Variants in ABCC4 observed in about 807,000 individuals in gnomAD.
ABCC4 encodes ATP-binding cassette sub-family C member 4.
Under a neutral mutation model 168.5 loss-of-function variants are expected in ABCC4, and 102 were observed. The observed-to-expected ratio is 0.61, with a 90% CI of 0.52 to 0.71. The LOEUF (loss-of-function observed/expected upper bound fraction) is 0.71, where lower values mean the gene tolerates loss of function less well. ABCC4 is among the 30% of genes least tolerant of loss of function. The pLI is 0.00. For missense variants in ABCC4, 1,402 were observed against 1,605.8 expected, an observed-to-expected ratio of 0.87 and a Z score of 2.17; for synonymous variants, 617 against 590.7, an observed-to-expected ratio of 1.04 and a Z score of -0.65.
intron 16 of ABCC4, among the ~76,000 whole-genome samples, chr13:95,164,077 A>G (rs1231398349): frequency 2.0e-5 from 3 of 151,266 alleles, no homozygotes; most frequent in Non-Finnish European, 4.4e-5. Flanking sequence ...AAAGAAAGAA[A>G]GAATAAAAGG....
At chr13:95,162,225 T>G (rs2037121179) in intron 18 of ABCC4, among the ~76,000 whole-genome samples, 1 of 152,214 alleles carries the variant, frequency 6.6e-6, no homozygotes, top group South Asian at 2.1e-4. Flanking sequence ...TCCTTTAGTT[T>G]CCACATAGTC....
At chr13:95,109,362 T>G (rs1173781259) in intron 20 of ABCC4, among the ~76,000 whole-genome samples, 2 of 149,396 alleles carry the variant, frequency 1.3e-5, no homozygotes, top group African/African-American at 5.0e-5. Context: ...ATTAGAAGGG[T>G]ACATTTGAGG....
chr13:95,097,683 T>G (rs987909070), intron 20 of ABCC4, among the ~76,000 whole-genome samples: 2 of 147,814 alleles, frequency 1.4e-5, no homozygotes, highest in Non-Finnish European at 1.5e-5. Flanking sequence ...CTCAATACAT[T>G]TCAAAGGTTA....
At chr13:95,247,830 T>A (rs1465311931) in intron 1 of ABCC4, 77 bp from the exon 2 acceptor site, 1 of 1,127,226 alleles carries the variant, frequency 8.9e-7, no homozygotes, top group East Asian at 2.3e-5. Flanking sequence ...CCATGGGTTT[T>A]GCTTAAACTT....
chr13:95,257,644 C>G (rs1021589038), intron 1 of ABCC4, among the ~76,000 whole-genome samples: 3 of 145,048 alleles, frequency 2.1e-5, no homozygotes, highest in Non-Finnish European at 3.0e-5. Flanking sequence ...GCCTGGGCAA[C>G]AGAGTGAGAC....
chr13:95,254,743 C>A (rs1162828562), intron 1 of ABCC4, among the ~76,000 whole-genome samples: 1 of 152,200 alleles, frequency 6.6e-6, no homozygotes, highest in Non-Finnish European at 1.5e-5. Flanking sequence ...TCACCCTCTG[C>A]CCCTGCCCAA....
intron 13 of ABCC4, 87 bp downstream of exon 13, chr13:95,177,620 A>T: frequency 1.9e-6 from 2 of 1,042,022 alleles, no homozygotes; most frequent in Non-Finnish European, 2.9e-6. Context: ...CCAGAGTAGG[A>T]TGAGCTGAAA....
rs777632365 is a variant in ABCC4 at position 95,071,822 on chromosome 13, G to A, written c.3050C>T (p.Thr1017Ile). The A allele has an allele frequency of 1.3e-6, 2 of 1,593,600 alleles. No homozygotes were observed. Among genetic ancestry groups the A allele is most frequent in the African/African-American group, 2.7e-5 (2 of 73,840 alleles). Residue 1017 changes from threonine (T) to isoleucine (I), a missense_variant, in exon 25 of 31, where the codon ACA becomes ATA. Transcript: ENST00000645237. ...MISVERVIEY[T>I]DLEKEAPWEY... The stretch of plus-strand genomic sequence containing the variant: ...CCAAGGTGCTTCTTTTTCAAGGTCT[G>A]TGTATTCAATGACCCTTTCTACTGA...
At chr13:95,073,678 T>C (rs969573675) in intron 23 of ABCC4, among the ~76,000 whole-genome samples, 3 of 152,116 alleles carry the variant, frequency 2.0e-5, no homozygotes, top group Admixed American at 1.3e-4. Flanking sequence ...AACAAAGCAA[T>C]AGGTTGTAAG....
intron 1 of ABCC4, among the ~76,000 whole-genome samples, chr13:95,251,585 A>G (rs1372602499): frequency 6.6e-6 from 1 of 152,216 alleles, no homozygotes; most frequent in Non-Finnish European, 1.5e-5. Flanking sequence ...ATACTAAAAG[A>G]AGAGACTAGG....
chr13:95,137,182 G>A (rs934981951), intron 19 of ABCC4, among the ~76,000 whole-genome samples: 13 of 152,174 alleles, frequency 8.5e-5, no homozygotes, highest in South Asian at 4.1e-4. Context: ...TCTATTGGCC[G>A]CTTTCATAAC....
At chr13:95,050,277 T>C (rs768508573) in intron 27 of ABCC4, among the ~76,000 whole-genome samples, 37 of 152,210 alleles carry the variant, frequency 2.4e-4, no homozygotes, top group African/African-American at 8.9e-4. Context: ...TCCTGACCTA[T>C]CAGAATGCCC....
chr13:95,207,971 T>C, intron 6 of ABCC4, 46 bp from the exon 7 acceptor site: 1 of 1,584,644 alleles, frequency 6.3e-7, no homozygotes, highest in Non-Finnish European at 8.5e-7. Context: ...GATCACAGCC[T>C]GCCCTTATCA....
intron 20 of ABCC4, among the ~76,000 whole-genome samples, chr13:95,097,376 T>C (rs2034637234): frequency 6.6e-6 from 1 of 152,110 alleles, no homozygotes; most frequent in African/African-American, 2.4e-5. Flanking sequence ...GAATTTCAGC[T>C]GAGCATTTAA....
intron 4 of ABCC4, among the ~76,000 whole-genome samples, chr13:95,216,525 A>C (rs2039112529): frequency 6.6e-6 from 1 of 151,846 alleles, no homozygotes; most frequent in Admixed American, 6.6e-5. Flanking sequence ...TTAATAAATC[A>C]ACGGCCCCTA....
chr13:95,068,507 T>C (rs1189454), intron 25 of ABCC4, among the ~76,000 whole-genome samples: 137,072 of 152,172 alleles, frequency 0.9, 62,112 homozygotes, highest in Non-Finnish European at 0.95. Flanking sequence ...TGCCTGTAAT[T>C]GCAGCTACTC....
At chr13:95,056,382 T>C (rs1463819395) in intron 26 of ABCC4, among the ~76,000 whole-genome samples, 1 of 152,142 alleles carries the variant, frequency 6.6e-6, no homozygotes, top group African/African-American at 2.4e-5. Context: ...AAAAAAACCC[T>C]GTAGCCTCTG....
In ABCC4 at chr13:95,217,816, T is replaced by C. The variant is rs531733736; in HGVS notation, c.532-7035A>G. Among the ~76,000 whole-genome samples the C allele has an allele frequency of 3.9e-5, 6 of 152,320 alleles. No homozygotes were observed. The South Asian group carries it at 1.2e-3, about 32-fold the overall frequency. On this transcript the variant is annotated intron_variant, in intron 4 of 30. Transcript: ENST00000645237. ...CAAATTCCTCACAACAATATGGCTC[T>C]TACCCAGTGTCAATGACCCGGGGTG... is the stretch of plus-strand genomic sequence containing the variant.
chr13:95,166,462 G>A (rs181300270), intron 14 of ABCC4, 95 bp from the exon 15 acceptor site: 6 of 1,074,484 alleles, frequency 5.6e-6, no homozygotes, highest in Admixed American at 5.0e-5. Context: ...CTGATCTTAA[G>A]TTATGATTAT....
Sources: gnomAD v4.1 joint callset for allele counts (sites outside exome capture counted in the v4.1 genomes callset) on GRCh38, gnomAD v4.1.1 for gene constraint, MANE v1.5 for transcripts, NCBI Gene and HGNC (gene_info 2026-07-23, HGNC 2026-07-21) for gene names.